Variants in HECTD2 observed in about 807,000 individuals in gnomAD.
HECTD2 encodes the protein HECT domain E3 ubiquitin protein ligase 2, also known as probable E3 ubiquitin-protein ligase HECTD2.
A neutral mutation model predicts 103.2 loss-of-function variants in HECTD2; 35 were observed. The observed-to-expected ratio is 0.34, with a 90% CI of 0.26 to 0.45. The LOEUF is 0.45. Ranked by LOEUF, HECTD2 falls within the 20% of genes least tolerant of loss-of-function variation. The probability of loss-of-function intolerance (pLI) is 1.00; values close to 1 mark genes in which losing one functional copy is unlikely to be tolerated. For missense variants in HECTD2, 596 were observed against 937.4 expected (o/e 0.64, Z 4.76); for synonymous variants, 281 against 329.9 (o/e 0.85, Z 1.61).
At chr10:91,505,479 T>C (rs1847117772) in intron 20 of HECTD2, among the ~76,000 whole-genome samples, 1 of 151,668 alleles carries the variant, frequency 6.6e-6, no homozygotes, top group Non-Finnish European at 1.5e-5. Flanking sequence ...AATCCTAGTC[T>C]CTGATAAAAC....
At chr10:91,426,956 C>T (rs1286413203) in intron 2 of HECTD2, among the ~76,000 whole-genome samples, 1 of 148,224 alleles carries the variant, frequency 6.7e-6, no homozygotes, top group African/African-American at 2.5e-5. Flanking sequence ...CCCATTAACT[C>T]GTCATTTAGC....
intron 5 of HECTD2, among the ~76,000 whole-genome samples, chr10:91,473,779 A>G: frequency 6.6e-6 from 1 of 152,338 alleles, no homozygotes; most frequent in South Asian, 2.1e-4. Context: ...AGTGTATAAT[A>G]CATAATACAT....
chr10:91,420,083 A>G (rs1488022314), intron 1 of HECTD2, among the ~76,000 whole-genome samples: 1 of 152,148 alleles, frequency 6.6e-6, no homozygotes, highest in African/African-American at 2.4e-5. Flanking sequence ...TTAGGTTGTA[A>G]GATTTCTCTT....
At chr10:91,457,526 G>A (rs1201947655) in intron 2 of HECTD2, among the ~76,000 whole-genome samples, 1 of 151,876 alleles carries the variant, frequency 6.6e-6, no homozygotes, top group African/African-American at 2.4e-5. Flanking sequence ...ATCAATTAAT[G>A]TAATCCACCA....
intron 11 of HECTD2, chr10:91,488,345 T>C (rs1846341314): frequency 6.5e-6 from 1 of 152,872 alleles, no homozygotes; most frequent in African/African-American, 2.4e-5. Context: ...AGGCAAATTG[T>C]AGAGCAGTAT....
At chr10:91,508,912 G>A (rs12241990) in intron 20 of HECTD2, among the ~76,000 whole-genome samples, 19,751 of 150,916 alleles carry the variant, frequency 0.13, 2,899 homozygotes, top group African/African-American at 0.37. Context: ...AAGAAAATGT[G>A]GCACATATAC....
intron 5 of HECTD2, among the ~76,000 whole-genome samples, chr10:91,475,220 A>G (rs1845860964): frequency 6.6e-6 from 1 of 152,228 alleles, no homozygotes; most frequent in African/African-American, 2.4e-5. Flanking sequence ...AAGGCCTTGT[A>G]GTAGTTGAAG....
intron 14 of HECTD2, among the ~76,000 whole-genome samples, chr10:91,495,643 A>G (rs1271734651): frequency 6.6e-6 from 1 of 152,056 alleles, no homozygotes; most frequent in Non-Finnish European, 1.5e-5. Context: ...GTAGCTTTTT[A>G]ACTTTGACAC....
intron 5 of HECTD2, among the ~76,000 whole-genome samples, chr10:91,476,688 T>C (rs990803105): frequency 1.3e-5 from 2 of 152,190 alleles, no homozygotes; most frequent in African/African-American, 2.4e-5. Context: ...GTTGCTGGCT[T>C]CTTTCTCCGT....
intron 4 of HECTD2, 60 bp from the exon 5 acceptor site, chr10:91,462,035 T>A (rs1845369880): frequency 1.5e-6 from 2 of 1,291,624 alleles, no homozygotes; most frequent in African/African-American, 1.5e-5. Context: ...ATGGTTCAAA[T>A]TTTACTAAGA....
intron 8 of HECTD2, 168 bp from the exon 9 acceptor site, chr10:91,484,339 A>G (rs1206723711): frequency 1.8e-5 from 25 of 1,379,560 alleles, no homozygotes; most frequent in Non-Finnish European, 2.3e-5. Context: ...CGAAGACAGT[A>G]TTCAAGGTAA....
At chr10:91,412,335 C>T (rs979959079) in intron 1 of HECTD2, among the ~76,000 whole-genome samples, 1 of 151,756 alleles carries the variant, frequency 6.6e-6, no homozygotes, top group South Asian at 2.1e-4. Context: ...GGATTATGGA[C>T]TTGTACTACT....
intron 5 of HECTD2, among the ~76,000 whole-genome samples, chr10:91,473,946 G>A (rs1338232443): frequency 6.6e-6 from 1 of 152,134 alleles, no homozygotes; most frequent in Non-Finnish European, 1.5e-5. Context: ...AGGGTCAACT[G>A]TATTTATGTG....
intron 2 of HECTD2, among the ~76,000 whole-genome samples, chr10:91,430,468 T>C (rs1321563121): frequency 2.0e-5 from 3 of 152,122 alleles, no homozygotes; most frequent in Non-Finnish European, 4.4e-5. Context: ...TGTCTAATGT[T>C]GACAGTGGGG....
chr10:91,472,602 T>C lies in HECTD2; in HGVS notation c.601-5599T>C, dbSNP rs551355061. ...CAGAATCTATAAAAAACTGAAATAA[T>C]AAGCAAAAGCAAACGACTTCATTAA... On this transcript the variant is annotated intron_variant, in intron 5 of 20. Coordinates refer to ENST00000298068, the MANE Select transcript of HECTD2 (RefSeq NM_182765.6). Among the ~76,000 whole-genome samples the C allele has an allele frequency of 7.6e-4, 116 of 151,874 alleles. 1 individual carries two copies. Among genetic ancestry groups the C allele is most frequent in the Non-Finnish European group, 1.4e-3 (95 of 67,824 alleles).
intron 4 of HECTD2, among the ~76,000 whole-genome samples, chr10:91,461,700 C>T (rs1312058924): frequency 6.6e-6 from 1 of 151,998 alleles, no homozygotes; most frequent in African/African-American, 2.4e-5. Context: ...AGGTGCCTGT[C>T]ACCACACCCG....
At chr10:91,434,911 C>T (rs1012242560) in intron 2 of HECTD2, among the ~76,000 whole-genome samples, 2 of 151,848 alleles carry the variant, frequency 1.3e-5, no homozygotes, top group Non-Finnish European at 2.9e-5. Context: ...TGTATGAAAG[C>T]ATTTAAAAAG....
chr10:91,505,617 A>G (rs1292035736), intron 20 of HECTD2, among the ~76,000 whole-genome samples: 1 of 150,708 alleles, frequency 6.6e-6, no homozygotes, highest in Non-Finnish European at 1.5e-5. Context: ...ACCCAGATTC[A>G]TAAAGCAAGT....
intron 1 of HECTD2, among the ~76,000 whole-genome samples, chr10:91,421,805 A>G (rs1194115156): frequency 6.6e-6 from 1 of 152,214 alleles, no homozygotes; most frequent in East Asian, 1.9e-4. Context: ...GTGTCAAAAT[A>G]TGCCTATTCT....
Sources: gnomAD v4.1 joint callset for allele counts (sites outside exome capture counted in the v4.1 genomes callset) on GRCh38, gnomAD v4.1.1 for gene constraint, MANE v1.5 for transcripts, NCBI Gene and HGNC (gene_info 2026-07-23, HGNC 2026-07-21) for gene names.